Variants in VPS4B observed in about 807,000 individuals in gnomAD.
VPS4B encodes the protein vacuolar protein sorting 4 homolog B.
Under a neutral mutation model 56.1 loss-of-function variants are expected in VPS4B, and 23 were observed. That is an observed-to-expected ratio of 0.41 (90% CI 0.30 to 0.58). The LOEUF (loss-of-function observed/expected upper bound fraction) is 0.58, where lower values mean the gene tolerates loss of function less well. VPS4B is among the 20% of genes least tolerant of loss of function. The probability of loss-of-function intolerance (pLI) is 0.29; values close to 1 mark genes in which losing one functional copy is unlikely to be tolerated. For synonymous variants in VPS4B, 177 were observed against 186.0 expected (o/e 0.95, Z 0.39); for missense variants, 372 against 531.9 (o/e 0.70, Z 2.96).
Position 63,390,869 on chromosome 18 carries a change from C to T in VPS4B, c.*106G>A. 1.4e-6 allele frequency: 1 copy of T among 725,030 alleles called. No homozygotes were observed. The highest frequency in any genetic ancestry group is 2.3e-6 in the Non-Finnish European group (1 of 436,062). The allele number at this position is 725,030 out of a possible 1,614,324, so 44.9% of individuals were successfully genotyped here. On this transcript the variant is annotated 3_prime_UTR_variant, in exon 11 of 11. Transcript: ENST00000238497. Reference sequence around the variant, plus strand: ...GAACTCTGAAGTGAGATGTGTATTTCCCTGTGGTAAAAGAGTTTTACTGGA... The same window carrying T: ...GAACTCTGAAGTGAGATGTGTATTTTCCTGTGGTAAAAGAGTTTTACTGGA...
At chr18:63,399,158 T>A in intron 8 of VPS4B, 84 bp downstream of exon 8, 1 of 1,278,632 alleles carries the variant, frequency 7.8e-7, no homozygotes, top group Admixed American at 1.9e-5. Flanking sequence ...GTTGTTAGAA[T>A]GCTTCCTGAC....
At chr18:63,421,921 C>G (rs1011776654) in intron 1 of VPS4B, among the ~76,000 whole-genome samples, 3 of 152,222 alleles carry the variant, frequency 2.0e-5, no homozygotes, top group African/African-American at 7.2e-5. Flanking sequence ...GCAAAAATTA[C>G]GTTCTTTCTT....
At chr18:63,421,960 G>A (rs1234318502) in intron 1 of VPS4B, among the ~76,000 whole-genome samples, 1 of 152,192 alleles carries the variant, frequency 6.6e-6, no homozygotes, top group Non-Finnish European at 1.5e-5. Context: ...GGAGAAACCT[G>A]CCCAGATCTT....
chr18:63,412,332 A>C (rs1916062178), intron 1 of VPS4B, among the ~76,000 whole-genome samples: 1 of 152,236 alleles, frequency 6.6e-6, no homozygotes, highest in South Asian at 2.1e-4. Context: ...AAAGCAGCAC[A>C]GGAAAAAGAT....
chr18:63,398,355 C>T (rs1284862504), intron 8 of VPS4B, among the ~76,000 whole-genome samples: 1 of 151,840 alleles, frequency 6.6e-6, no homozygotes. Flanking sequence ...GCTGGGACTA[C>T]AGACAGGTGT....
chr18:63,422,390 C>T lies in VPS4B; in HGVS notation c.-131G>A, dbSNP rs1335311043. On this transcript the variant is annotated 5_prime_UTR_variant, in exon 1 of 11. Coordinates refer to ENST00000238497, the MANE Select transcript of VPS4B (RefSeq NM_004869.4). ...TGGTTCTCGGACCGCGAAGGGCAGC[C>T]TCCCTTCCGGAACTTGTTTTAGACA... The T allele has an allele frequency of 1.2e-6, 1 of 818,798 alleles. No individual in the cohort carries two copies. Among genetic ancestry groups the T allele is most frequent in the East Asian group, 3.4e-5 (1 of 29,752 alleles). 50.7% of individuals were successfully genotyped at this position (818,798 alleles called of 1,614,324 possible).
At chr18:63,420,961 C>G (rs559043029) in intron 1 of VPS4B, among the ~76,000 whole-genome samples, 1 of 150,222 alleles carries the variant, frequency 6.7e-6, no homozygotes, top group Non-Finnish European at 1.5e-5. Flanking sequence ...TCGCTTGAAC[C>G]TGGGAGGTGG....
At chr18:63,391,516 C>A (rs370073009) in intron 10 of VPS4B, among the ~76,000 whole-genome samples, 4 of 152,314 alleles carry the variant, frequency 2.6e-5, no homozygotes, top group South Asian at 2.1e-4. Context: ...GGCGTGGGCC[C>A]CTGCACCCGG....
chr18:63,400,498 A>C, intron 6 of VPS4B, 49 bp downstream of exon 6: 1 of 1,544,188 alleles, frequency 6.5e-7, no homozygotes, highest in East Asian at 2.3e-5. Flanking sequence ...GGAGTGATAC[A>C]GTAATTACAG....
At chr18:63,397,386 T>A in intron 8 of VPS4B, 133 bp from the exon 9 acceptor site, 1 of 773,392 alleles carries the variant, frequency 1.3e-6, no homozygotes, top group Non-Finnish European at 1.9e-6. Flanking sequence ...AGGGATAATA[T>A]CCAGAACACA....
At chr18:63,410,758 A>AT (rs2144431531) in intron 2 of VPS4B, among the ~76,000 whole-genome samples, 1 of 152,326 alleles carries the variant, frequency 6.6e-6, no homozygotes, top group South Asian at 2.1e-4. Context: ...ATTTTTGCAG[A>AT]TAGTTCAAAG....
Position 63,410,338 on chromosome 18 carries a change from G to A in VPS4B, c.248C>T (p.Ala83Val), listed in dbSNP as rs932945721. ...CTGTCCTTCTTTCACTGGCTTCTGT[G>A]CTTTTTTCTCTTTATTTTTCAGGTA... ...KEYLKNKEKK[A>V]QKPVKEGQPS... The change falls in exon 3 of 11, where the codon GCA (alanine) becomes GTA (valine). Residue 83 changes from alanine to valine, a missense_variant. Ala to Val is a moderately conservative substitution (Grantham distance 64, BLOSUM62 0). Coordinates refer to ENST00000238497, the MANE Select transcript of VPS4B (RefSeq NM_004869.4). The A allele has an allele frequency of 2.5e-6, 4 of 1,613,858 alleles. No homozygotes were observed. In the Middle Eastern group the frequency reaches 4.9e-4, roughly 200 times the overall value.
intron 1 of VPS4B, among the ~76,000 whole-genome samples, chr18:63,420,922 C>A (rs1916282762): frequency 6.6e-6 from 1 of 151,206 alleles, no homozygotes; most frequent in African/African-American, 2.4e-5. Context: ...CCTGTAGTCC[C>A]AGGTACTCAG....
At chr18:63,415,385 C>A in intron 1 of VPS4B, 1 of 259,704 alleles carries the variant, frequency 3.9e-6, no homozygotes, top group South Asian at 5.1e-5. Context: ...ACTGCTATCT[C>A]AAAGTCCTCC....
rs1916318100 is a variant in VPS4B, at chr18:63,422,155, T to C, written c.27+78A>G. The C allele has an allele frequency of 2.9e-6, 4 of 1,378,312 alleles. No homozygotes were observed. In the South Asian group the frequency reaches 4.8e-5, roughly 17 times the overall value. 85.4% of individuals were successfully genotyped at this position (1,378,312 alleles called of 1,614,324 possible). A position where few individuals can be genotyped will look rare whatever the true frequency, so the allele number is the denominator to read the frequency against. On this transcript the variant is annotated intron_variant, in intron 1 of 10. Transcript: ENST00000238497. Reference sequence around the variant, plus strand: ...CCACAGGCGCGGCCGCTTCCTCCCTTCTCCCCGCCCCCCACCCGCTTCTCG... The same window carrying C: ...CCACAGGCGCGGCCGCTTCCTCCCTCCTCCCCGCCCCCCACCCGCTTCTCG...
At position 63,422,407 on chromosome 18, in the gene VPS4B, T is replaced by G. The variant is rs540064602; in HGVS notation, c.-148A>C. 12 of 649,594 alleles carry G rather than the reference T, an allele frequency of 1.8e-5. No individual in the cohort carries two copies. The South Asian group carries it at 3.4e-4, about 19-fold the overall frequency. 40.2% of individuals were successfully genotyped at this position (649,594 alleles called of 1,614,324 possible). ...AGGGCAGCCTCCCTTCCGGAACTTG[T>G]TTTAGACAACACTCTCTCCACCAGA... On this transcript the variant is annotated 5_prime_UTR_variant, in exon 1 of 11. Transcript: ENST00000238497.
intron 1 of VPS4B, among the ~76,000 whole-genome samples, chr18:63,415,158 C>T (rs1479970522): frequency 2.0e-5 from 3 of 152,134 alleles, no homozygotes; most frequent in African/African-American, 4.8e-5. Flanking sequence ...TTTCTGTTAA[C>T]ATTTTTCATC....
intron 1 of VPS4B, 37 bp from the exon 2 acceptor site, chr18:63,411,615 A>C: frequency 7.0e-7 from 1 of 1,434,892 alleles, no homozygotes; most frequent in Non-Finnish European, 9.3e-7. Flanking sequence ...ATTTAAATCA[A>C]AGCATAAACA....
chr18:63,422,183 C>T (rs1916454049), intron 1 of VPS4B, 50 bp downstream of exon 1: 4 of 1,447,158 alleles, frequency 2.8e-6, no homozygotes, highest in African/African-American at 3.0e-5. Flanking sequence ...GCTTCTCGCG[C>T]CTCCCCTCGA....
Sources: allele counts gnomAD v4.1 joint callset (sites outside exome capture counted in the v4.1 genomes callset), GRCh38; gene constraint gnomAD v4.1.1; transcripts MANE v1.5; gene names NCBI Gene and HGNC (gene_info 2026-07-23, HGNC 2026-07-21).